The following COL24A1 variants were observed in gnomAD, a reference collection of about 807,000 sequenced individuals.
The protein encoded by COL24A1 is collagen type XXIV alpha 1 chain.
In COL24A1, 224 loss-of-function variants were observed where a neutral mutation model predicts 253.9. That is an observed-to-expected ratio of 0.88 (90% CI 0.79 to 0.99). The LOEUF is 0.99. Among genes scored for constraint, COL24A1 ranks in the 50% least tolerant of loss-of-function variants. COL24A1 has a pLI of 0.00. For synonymous variants in COL24A1, 685 were observed against 673.7 expected (o/e 1.02, Z -0.26); for missense variants, 2,131 against 2,068.5 (o/e 1.03, Z -0.59).
chr1:86,084,437 C>T (rs928226497), intron 7 of COL24A1, among the ~76,000 whole-genome samples: 1 of 152,202 alleles, frequency 6.6e-6, no homozygotes, highest in African/African-American at 2.4e-5. Context: ...AGGCATACAA[C>T]AGACTCATGC....
In COL24A1 at chr1:85,854,862, C is replaced by T. The variant is rs958007846; in HGVS notation, c.3301-5456G>A. On this transcript the variant is annotated intron_variant, in intron 37 of 59. Transcript: ENST00000370571. ...GGGACTACAGGTGTGCACCACCACG[C>T]TCAGCTAATTTTTGTATTTTTAGTA... Among the ~76,000 whole-genome samples, 9 of 152,220 alleles carry T rather than the reference C, an allele frequency of 5.9e-5. No homozygotes were observed. In the East Asian group the frequency reaches 7.7e-4, roughly 13 times the overall value.
intron 57 of COL24A1, 93 bp from the exon 58 acceptor site, chr1:85,737,598 T>G: frequency 1.1e-6 from 1 of 881,120 alleles, no homozygotes; most frequent in African/African-American, 1.7e-5. Flanking sequence ...AGTCTCATTC[T>G]GTTAGCCCAG....
chr1:85,846,688 G>T (rs1677176551), intron 39 of COL24A1, among the ~76,000 whole-genome samples: 1 of 151,994 alleles, frequency 6.6e-6, no homozygotes, highest in Non-Finnish European at 1.5e-5. Flanking sequence ...GAAGTAATAT[G>T]AAATGTTGAT....
chr1:85,981,676 C>G (rs1009066552), intron 20 of COL24A1, among the ~76,000 whole-genome samples: 1 of 151,988 alleles, frequency 6.6e-6, no homozygotes, highest in Non-Finnish European at 1.5e-5. Context: ...AGCTTCTGCA[C>G]AGTTAGAGAA....
At chr1:86,084,579 GA>G (rs1271875099) in intron 7 of COL24A1, among the ~76,000 whole-genome samples, 1 of 152,184 alleles carries the variant, frequency 6.6e-6, no homozygotes, top group Non-Finnish European at 1.5e-5. Flanking sequence ...TATGATAGAT[GA>G]ATTCTTGAAA....
At chr1:85,744,881 C>G (rs368059958) in intron 56 of COL24A1, 47 bp from the exon 57 acceptor site, 28 of 1,422,044 alleles carry the variant, frequency 2.0e-5, no homozygotes, top group Admixed American at 5.5e-5. Context: ...ATCCTGAGGA[C>G]CAACATGGGC....
At chr1:85,742,909 G>A (rs557435317) in intron 57 of COL24A1, among the ~76,000 whole-genome samples, 22 of 152,116 alleles carry the variant, frequency 1.4e-4, no homozygotes, top group Non-Finnish European at 2.9e-4. Flanking sequence ...ATAATGGAAC[G>A]CTAAGCATAA....
At chr1:85,922,186 A>C (rs1020462221) in intron 24 of COL24A1, among the ~76,000 whole-genome samples, 2 of 152,196 alleles carry the variant, frequency 1.3e-5, no homozygotes, top group Non-Finnish European at 2.9e-5. Context: ...CCAAATCTAC[A>C]TTTCATTGGT....
chr1:85,745,568 A>G, intron 55 of COL24A1, 62 bp from the exon 56 acceptor site: 1 of 1,224,910 alleles, frequency 8.2e-7, no homozygotes, highest in Admixed American at 2.1e-5. Context: ...CCTAAAGTAA[A>G]GGCTGTAAAT....
intron 52 of COL24A1, among the ~76,000 whole-genome samples, chr1:85,779,236 A>T (rs1468891852): frequency 1.3e-5 from 2 of 152,184 alleles, no homozygotes; most frequent in Non-Finnish European, 2.9e-5. Flanking sequence ...TTCTTATAGC[A>T]GGAGGATACT....
At chr1:86,029,854 A>C (rs958273973) in intron 14 of COL24A1, 2 of 151,944 alleles carry the variant, frequency 1.3e-5, no homozygotes, top group African/African-American at 4.8e-5. Context: ...ATTCTTCCCT[A>C]TGGAAAGAGC....
chr1:85,993,256 TTCCAA>T (rs1403884532), intron 19 of COL24A1, among the ~76,000 whole-genome samples: 1 of 152,132 alleles, frequency 6.6e-6, no homozygotes, highest in Non-Finnish European at 1.5e-5. Context: ...TTTAATAGTT[TTCCAA>T]TAGAAGTGTT....
At chr1:85,879,777 G>A (rs1455612649) in intron 32 of COL24A1, among the ~76,000 whole-genome samples, 2 of 152,200 alleles carry the variant, frequency 1.3e-5, no homozygotes, top group Non-Finnish European at 2.9e-5. Context: ...GGCTGAGGAG[G>A]TGGAAGAAGG....
intron 20 of COL24A1, among the ~76,000 whole-genome samples, chr1:85,975,484 TA>T (rs1692580013): frequency 6.6e-6 from 1 of 152,148 alleles, no homozygotes; most frequent in Non-Finnish European, 1.5e-5. Context: ...AATGGGAGGA[TA>T]TTATATTAAG....
At chr1:85,839,002 C>T (rs912903711) in intron 42 of COL24A1, among the ~76,000 whole-genome samples, 6 of 152,122 alleles carry the variant, frequency 3.9e-5, no homozygotes, top group South Asian at 4.1e-4. Flanking sequence ...GAGTTCGAGA[C>T]CAGCCTGGGC....
At chr1:85,835,452 G>A (rs1358903409) in intron 43 of COL24A1, among the ~76,000 whole-genome samples, 1 of 152,004 alleles carries the variant, frequency 6.6e-6, no homozygotes, top group Non-Finnish European at 1.5e-5. Context: ...TTTTAGAAAT[G>A]TTATCATACA....
intron 21 of COL24A1, 148 bp downstream of exon 21, chr1:85,971,192 G>A (rs1316462790): frequency 1.5e-6 from 1 of 687,404 alleles, no homozygotes; most frequent in African/African-American, 1.8e-5. Context: ...CTGGGCAAGA[G>A]ACCAAGACTC....
chr1:86,125,907 T>TA lies in COL24A1; in HGVS notation c.428dup (p.Val144SerfsTer4). Reference sequence around the variant, plus strand: ...CAGGCTGCTTTCCTCTAATGTGTACTACTAATTTTTTAGGTAGTAATTGTA... The same window carrying TA: ...CAGGCTGCTTTCCTCTAATGTGTACTAACTAATTTTTTAGGTAGTAATTGTA... On this transcript the variant is annotated frameshift_variant, in exon 3 of 60. Transcript: ENST00000370571. LOFTEE classifies it high-confidence loss of function. 1 of 1,613,310 alleles carries TA rather than the reference T, an allele frequency of 6.2e-7. No homozygotes were observed. Among genetic ancestry groups the TA allele is most frequent in the South Asian group, 1.1e-5 (1 of 91,072 alleles).
At chr1:85,748,456 C>T (rs114167797) in intron 55 of COL24A1, among the ~76,000 whole-genome samples, 1,719 of 152,298 alleles carry the variant, frequency 0.011, 35 homozygotes, top group African/African-American at 0.039. Context: ...TAATAGCCTT[C>T]CAGAATTCTC....
Sources: gnomAD v4.1 joint callset for allele counts (sites outside exome capture counted in the v4.1 genomes callset) on GRCh38, gnomAD v4.1.1 for gene constraint, MANE v1.5 for transcripts, NCBI Gene and HGNC (gene_info 2026-07-23, HGNC 2026-07-21) for gene names.